Variants in EXOC2 observed in about 807,000 individuals in gnomAD.
EXOC2 encodes the protein exocyst complex component 2, also known as SEC5-like 1.
A neutral mutation model predicts 131.8 loss-of-function variants in EXOC2; 70 were observed. The observed-to-expected ratio is 0.53, with a 90% CI of 0.44 to 0.65. The LOEUF is 0.65. EXOC2 is among the 30% of genes least tolerant of loss of function. The pLI is 0.00. For synonymous variants in EXOC2, 411 were observed against 398.4 expected, an observed-to-expected ratio of 1.03 and a Z score of -0.38; for missense variants, 923 against 1,108.6, an observed-to-expected ratio of 0.83 and a Z score of 2.38.
intron 23 of EXOC2, among the ~76,000 whole-genome samples, chr6:503,853 C>T (rs981004992): frequency 5.3e-5 from 8 of 152,148 alleles, no homozygotes; most frequent in Admixed American, 1.3e-4. Flanking sequence ...CCGAGTAGCA[C>T]GCCCGCACCC....
chr6:537,648 A>C (rs1766548824), intron 22 of EXOC2, among the ~76,000 whole-genome samples: 1 of 152,226 alleles, frequency 6.6e-6, no homozygotes, highest in Admixed American at 6.5e-5. Flanking sequence ...ACTTACAGGA[A>C]TATTCACCAC....
At chr6:503,628 TTA>T (rs1357688751) in intron 23 of EXOC2, among the ~76,000 whole-genome samples, 2 of 152,220 alleles carry the variant, frequency 1.3e-5, no homozygotes, top group Non-Finnish European at 2.9e-5. Flanking sequence ...AAATAATTTG[TTA>T]TATGTTTGGT....
At chr6:639,751 G>A (rs186243214) in intron 1 of EXOC2, among the ~76,000 whole-genome samples, 104 of 152,264 alleles carry the variant, frequency 6.8e-4, no homozygotes, top group African/African-American at 2.5e-3. Context: ...TAAGATGTGG[G>A]AGGCGTACAG....
intron 2 of EXOC2, among the ~76,000 whole-genome samples, chr6:633,911 C>G (rs751749638): frequency 6.6e-6 from 1 of 152,174 alleles, no homozygotes; most frequent in Non-Finnish European, 1.5e-5. Context: ...AGGCACACAC[C>G]TCAGGGGGAA....
chr6:648,562 A>G (rs954741492), intron 1 of EXOC2, among the ~76,000 whole-genome samples: 3 of 152,194 alleles, frequency 2.0e-5, no homozygotes, highest in African/African-American at 7.2e-5. Flanking sequence ...GAGGTCAACA[A>G]AAGTCTGACT....
chr6:641,865 C>G (rs1762368520), intron 1 of EXOC2, among the ~76,000 whole-genome samples: 1 of 108,800 alleles, frequency 9.2e-6, no homozygotes, highest in Admixed American at 9.8e-5. Flanking sequence ...CTGCAATCCA[C>G]CCTCAGCAAA....
chr6:667,056 G>A (rs1468681468), intron 1 of EXOC2, among the ~76,000 whole-genome samples: 2 of 95,980 alleles, frequency 2.1e-5, no homozygotes, highest in African/African-American at 6.2e-5. Context: ...TTATCTATAA[G>A]CTATAATCAC....
At chr6:559,046 C>G (rs1757569946) in intron 17 of EXOC2, among the ~76,000 whole-genome samples, 1 of 152,092 alleles carries the variant, frequency 6.6e-6, no homozygotes, top group South Asian at 2.1e-4. Flanking sequence ...AGAAATAGTT[C>G]TGTCTCTGTG....
intron 10 of EXOC2, 33 bp downstream of exon 10, chr6:597,988 T>C (rs1318249145): frequency 4.6e-6 from 7 of 1,508,754 alleles, no homozygotes; most frequent in Admixed American, 3.4e-5. Flanking sequence ...AACAGATACA[T>C]GTGATTCAAC....
chr6:627,376 C>T (rs990319621), intron 4 of EXOC2, among the ~76,000 whole-genome samples: 1 of 152,106 alleles, frequency 6.6e-6, no homozygotes, highest in African/African-American at 2.4e-5. Context: ...TACATCTAGC[C>T]TCTCTTTCTT....
intron 1 of EXOC2, among the ~76,000 whole-genome samples, chr6:663,194 G>C (rs2127763487): frequency 6.6e-6 from 1 of 152,258 alleles, no homozygotes; most frequent in South Asian, 2.1e-4. Flanking sequence ...TAGAAACCTA[G>C]AAGAGATGGA....
intron 13 of EXOC2, among the ~76,000 whole-genome samples, chr6:565,520 C>T (rs1757924917): frequency 6.6e-6 from 1 of 152,118 alleles, no homozygotes; most frequent in African/African-American, 2.4e-5. Context: ...AAAGAGAAGC[C>T]TGTTCAGTTG....
rs548532875 is a variant in EXOC2 at position 593,311 on chromosome 6, A to G, written c.1074-724T>C. 7.7e-4 allele frequency among the ~76,000 whole-genome samples: 117 copies of G among 152,298 alleles called. 1 individual carries two copies. Among genetic ancestry groups the G allele is most frequent in the African/African-American group, 2.7e-3 (114 of 41,566 alleles). ...AGATGTTTTTTAATTCCTTTCTGAT[A>G]TGAAATATGGCCACGAGATGGCAGT... On this transcript the variant is annotated intron_variant, in intron 10 of 27. Transcript: ENST00000230449.
At chr6:583,599 A>C (rs1280849758) in intron 11 of EXOC2, among the ~76,000 whole-genome samples, 3 of 152,186 alleles carry the variant, frequency 2.0e-5, no homozygotes, top group Admixed American at 1.3e-4. Context: ...AAAGAAATCA[A>C]ATTCTCAAGT....
chr6:611,732 A>G (rs1407707919), intron 6 of EXOC2, among the ~76,000 whole-genome samples: 2 of 152,240 alleles, frequency 1.3e-5, no homozygotes, highest in Admixed American at 1.3e-4. Context: ...ATCTTTAAGT[A>G]GAATAACTCA....
intron 11 of EXOC2, among the ~76,000 whole-genome samples, chr6:589,660 C>T (rs1009852355): frequency 5.3e-5 from 8 of 152,212 alleles, no homozygotes; most frequent in African/African-American, 1.4e-4. Flanking sequence ...ACTGCACTTC[C>T]GGCTCCTGGC....
rs1581523714 is a variant in EXOC2 at position 598,176 on chromosome 6, A to C, written c.971-53T>G. 2.1e-6 allele frequency: 3 copies of C among 1,453,158 alleles called. No individual in the cohort carries two copies. The East Asian group carries it at 7.2e-5, about 35-fold the overall frequency. The allele number at this position is 1,453,158 out of a possible 1,614,324, so 90.0% of individuals were successfully genotyped here. ...ATTTACAGAATGAAAATTTAATATC[A>C]AATTTCAAAAAGCAGAATAGTAGTT... is the stretch of plus-strand genomic sequence containing the variant. On this transcript the variant is annotated intron_variant, in intron 9 of 27. Coordinates refer to ENST00000230449, the MANE Select transcript of EXOC2 (RefSeq NM_018303.6).
At chr6:678,553 A>C (rs142586446) in intron 1 of EXOC2, among the ~76,000 whole-genome samples, 7 of 152,364 alleles carry the variant, frequency 4.6e-5, no homozygotes, top group African/African-American at 1.7e-4. Context: ...TTTAGGATAG[A>C]AAGTATTTTA....
chr6:495,696 C>T (rs1366722169), intron 25 of EXOC2, among the ~76,000 whole-genome samples: 1 of 152,156 alleles, frequency 6.6e-6, no homozygotes, highest in Non-Finnish European at 1.5e-5. Context: ...CCGACGTCTA[C>T]TAGAGTCAGT....
Sources: allele counts gnomAD v4.1 joint callset (sites outside exome capture counted in the v4.1 genomes callset), GRCh38; gene constraint gnomAD v4.1.1; transcripts MANE v1.5; gene names NCBI Gene and HGNC (gene_info 2026-07-23, HGNC 2026-07-21).